PIEZO1: variants seen among roughly 807,000 people sequenced by gnomAD.
The protein encoded by PIEZO1 is piezo-type mechanosensitive ion channel component 1.
In PIEZO1, 296 loss-of-function variants were observed where a neutral mutation model predicts 297.2. The ratio of observed to expected loss-of-function variants is 1.00; its 90% CI spans 0.91 to 1.10. The LOEUF is 1.10. Among genes scored for constraint, PIEZO1 ranks in the 50% least tolerant of loss-of-function variants. The pLI is 0.00. For missense variants in PIEZO1, 5,018 were observed against 3,455.5 expected (o/e 1.45, Z -11.34); for synonymous variants, 2,427 against 1,507.5 (o/e 1.61, Z -14.13).
intron 15 of PIEZO1, 30 bp downstream of exon 15, chr16:88,734,620 C>T: frequency 9.0e-6 from 14 of 1,549,740 alleles, no homozygotes; most frequent in Non-Finnish European, 1.2e-5. Flanking sequence ...GTTTCGGCGC[C>T]CCTGCCCCAC....
At chr16:88,775,443 C>T (rs556895381) in intron 1 of PIEZO1, among the ~76,000 whole-genome samples, 2 of 152,146 alleles carry the variant, frequency 1.3e-5, no homozygotes, top group Non-Finnish European at 2.9e-5. Context: ...AAACACATGG[C>T]GGGGGCCCGG....
rs1014820593 is a variant in PIEZO1 at position 88,723,280 on chromosome 16, G to A, written c.4384C>T (p.Arg1462Trp). ...CTTGCCTGCTCCTGCTCCTGCTGCC[G>A]CCGCCTCAGCACCGCCTGGGCGTTG... ...VTNAQAVLRR[R>W]QQEQEQARQE... Residue 1462 changes from arginine to tryptophan, a missense_variant, in exon 32 of 51, where the codon CGG (arginine) becomes TGG (tryptophan). By Grantham distance (101) the Arg-to-Trp change is moderately radical. Transcript: ENST00000301015. 4.5e-6 allele frequency: 7 copies of A among 1,541,506 alleles called. No homozygotes were observed. The Admixed American group carries it at 5.9e-5, about 13-fold the overall frequency.
intron 4 of PIEZO1, 188 bp from the exon 5 acceptor site, chr16:88,741,804 CTGCAGGTGCGGGTGGGAGT>C (rs2142843368): frequency 4.6e-6 from 1 of 219,562 alleles, no homozygotes; most frequent in African/African-American, 3.9e-5. Context: ...GTGGATGGGT[CTGCAGGTGCGGGTGGGAGT>C]GTGGATGGGT....
chr16:88,758,754 CTCTG>C (rs1190222752), intron 1 of PIEZO1, among the ~76,000 whole-genome samples: 1 of 152,246 alleles, frequency 6.6e-6, no homozygotes, highest in Non-Finnish European at 1.5e-5. Context: ...GCCCAATCTC[CTCTG>C]TCTTAGTTTG....
Position 88,726,586 on chromosome 16 carries a change from G to A in PIEZO1, c.3757C>T (p.Leu1253Phe). Residue 1253 changes from leucine to phenylalanine, a missense_variant, in exon 26 of 51, where the codon CTC becomes TTC. Transcript: ENST00000301015. Reference protein sequence around the residue: ...MQTGFCWVIQLFSLVCTVKGY... With the variant: ...MQTGFCWVIQFFSLVCTVKGY... ...TTGACGGTGCATACAAGGCTGAAGA[G>A]CTGGATGACCCAGCAGAAGCCGGTC... The A allele has an allele frequency of 5.2e-6, 8 of 1,535,648 alleles. No individual in the cohort carries two copies. The highest frequency in any genetic ancestry group is 2.5e-5 in the East Asian group (1 of 40,670).
intron 1 of PIEZO1, among the ~76,000 whole-genome samples, chr16:88,777,074 G>A (rs986809397): frequency 6.6e-6 from 1 of 152,200 alleles, no homozygotes; most frequent in African/African-American, 2.4e-5. Flanking sequence ...CCGGATTCAA[G>A]TGATTCTCCT....
chr16:88,757,325 G>A lies in PIEZO1; in HGVS notation c.65-7846C>T, dbSNP rs902481780. On this transcript the variant is annotated intron_variant, in intron 1 of 50. Coordinates refer to ENST00000301015, the MANE Select transcript of PIEZO1 (RefSeq NM_001142864.4). ...ATGCAGGGGGCGTTGCTGGCGGGGG[G>A]GTGGGGGGTAGTTACCTAACCTGCC... is the stretch of plus-strand genomic sequence containing the variant. 9.5e-5 allele frequency among the ~76,000 whole-genome samples: 8 copies of A among 84,114 alleles called. 1 individual carries two copies. In the South Asian group the frequency reaches 1.9e-3, roughly 20 times the overall value. 55.2% of individuals were successfully genotyped at this position (84,114 alleles called of 152,430 possible). A position where few individuals can be genotyped will look rare whatever the true frequency, so the allele number is the denominator to read the frequency against.
At chr16:88,743,673 C>T (rs1905850696) in intron 2 of PIEZO1, 1 of 456,528 alleles carries the variant, frequency 2.2e-6, no homozygotes, top group Non-Finnish European at 4.4e-6. Context: ...AGCAAAGACT[C>T]ATGACCCACG....
chr16:88,738,885 C>A (rs1905446212), intron 5 of PIEZO1, 149 bp from the exon 6 acceptor site: 1 of 669,332 alleles, frequency 1.5e-6, no homozygotes, highest in Non-Finnish European at 2.5e-6. Context: ...GGGCACAGGC[C>A]CCAGCCGTCC....
At chr16:88,766,887 G>C (rs1907204989) in intron 1 of PIEZO1, among the ~76,000 whole-genome samples, 1 of 152,200 alleles carries the variant, frequency 6.6e-6, no homozygotes, top group Non-Finnish European at 1.5e-5. Flanking sequence ...GGCCCAAACT[G>C]GCTAGAGTGG....
chr16:88,735,159 TCAGC>T lies in PIEZO1; in HGVS notation c.1641_1644del (p.Leu548ArgfsTer24), dbSNP rs1461366838. 1 of 1,550,324 alleles carries T rather than the reference TCAGC, an allele frequency of 6.5e-7. No homozygotes were observed. The highest frequency in any genetic ancestry group is 2.0e-5 in the Admixed American group (1 of 51,012). Reference sequence around the variant, plus strand: ...CCTGTGTCTGCCACGGTGACCTCCGTCAGCGCAGCTGGAGACTCTGCCCACTTCA... The same window carrying T: ...CCTGTGTCTGCCACGGTGACCTCCGTGCAGCTGGAGACTCTGCCCACTTCA... On this transcript the variant is annotated frameshift_variant, in exon 13 of 51. Coordinates refer to ENST00000301015, the MANE Select transcript of PIEZO1 (RefSeq NM_001142864.4). LOFTEE classifies it high-confidence loss of function.
At chr16:88,776,369 G>A (rs1907663661) in intron 1 of PIEZO1, among the ~76,000 whole-genome samples, 1 of 152,140 alleles carries the variant, frequency 6.6e-6, no homozygotes, top group Non-Finnish European at 1.5e-5. Flanking sequence ...GGGAGGCAGA[G>A]CTTGCAGTGA....
intron 1 of PIEZO1, among the ~76,000 whole-genome samples, chr16:88,767,881 C>T (rs567576030): frequency 2.6e-5 from 4 of 152,292 alleles, no homozygotes; most frequent in African/African-American, 7.2e-5. Flanking sequence ...AAAACCCACA[C>T]TCCCTGACAC....
intron 1 of PIEZO1, among the ~76,000 whole-genome samples, chr16:88,766,046 C>T (rs954943768): frequency 6.6e-6 from 1 of 152,182 alleles, no homozygotes; most frequent in African/African-American, 2.4e-5. Flanking sequence ...AGTCAGCGCA[C>T]GGCTGTGTTC....
At chr16:88,727,303 C>A (rs940153606) in intron 23 of PIEZO1, 111 bp from the exon 24 acceptor site, 4 of 1,242,350 alleles carry the variant, frequency 3.2e-6, no homozygotes, top group Non-Finnish European at 3.3e-6. Context: ...CCGCTGGGAG[C>A]GGACACACGT....
intron 11 of PIEZO1, 112 bp from the exon 12 acceptor site, chr16:88,736,520 A>G (rs1261554924): frequency 5.0e-6 from 3 of 598,336 alleles, no homozygotes; most frequent in Non-Finnish European, 9.1e-6. Flanking sequence ...CACCCAGGCG[A>G]TGCCCCACAC....
chr16:88,747,834 C>T (rs1906144473), intron 2 of PIEZO1, among the ~76,000 whole-genome samples: 1 of 152,078 alleles, frequency 6.6e-6, no homozygotes, highest in African/African-American at 2.4e-5. Flanking sequence ...GGAGAGGGAG[C>T]AGGAGAGACA....
At chr16:88,732,001 A>C in intron 21 of PIEZO1, 91 bp from the exon 22 acceptor site, 2 of 7,330 alleles carry the variant, frequency 2.7e-4, no homozygotes, top group Non-Finnish European at 4.3e-4. Context: ...GGCTTGCAGC[A>C]GCCCTGCCTG....
chr16:88,754,020 G>A (rs1204506517), intron 1 of PIEZO1, among the ~76,000 whole-genome samples: 1 of 152,336 alleles, frequency 6.6e-6, no homozygotes, highest in South Asian at 2.1e-4. Flanking sequence ...CTGTGACCCC[G>A]TGGGGGTAAT....
Sources: allele counts gnomAD v4.1 joint callset (sites outside exome capture counted in the v4.1 genomes callset), GRCh38; gene constraint gnomAD v4.1.1; transcripts MANE v1.5; gene names NCBI Gene and HGNC (gene_info 2026-07-23, HGNC 2026-07-21).